The following CXCL13 variants were observed in gnomAD, a reference collection of about 807,000 sequenced individuals.
The protein encoded by CXCL13 is C-X-C motif chemokine 13.
A neutral mutation model predicts 12.2 loss-of-function variants in CXCL13; 7 were observed. The ratio of observed to expected loss-of-function variants is 0.57; its 90% CI spans 0.33 to 1.07. The LOEUF (loss-of-function observed/expected upper bound fraction) is 1.07, where lower values mean the gene tolerates loss of function less well. Among genes scored for constraint, CXCL13 ranks in the 50% least tolerant of loss-of-function variants. The pLI, the probability that CXCL13 is intolerant of heterozygous loss-of-function variation, is 0.04. For synonymous variants in CXCL13, 47 were observed against 42.4 expected (o/e 1.11, Z -0.42); for missense variants, 113 against 127.4 (o/e 0.89, Z 0.55).
chr4:77,572,708 A>T (rs1726117392), intron 1 of CXCL13, among the ~76,000 whole-genome samples: 1 of 151,990 alleles, frequency 6.6e-6, no homozygotes, highest in Non-Finnish European at 1.5e-5. Context: ...CAGAGATACC[A>T]TTTGACCCAG....
At chr4:77,525,159 G>T (rs1724730828) in intron 1 of CXCL13, among the ~76,000 whole-genome samples, 2 of 152,122 alleles carry the variant, frequency 1.3e-5, no homozygotes, top group African/African-American at 4.8e-5. Flanking sequence ...TCTGATGCTG[G>T]CCACATGTTC....
At chr4:77,600,874 A>G (rs1726866841), upstream of CXCL13, among the ~76,000 whole-genome samples, 1 of 152,182 alleles carries the variant, frequency 6.6e-6, no homozygotes, top group African/African-American at 2.4e-5. Flanking sequence ...CCCCTCCTTC[A>G]TGAATATTTC....
intron 1 of CXCL13, among the ~76,000 whole-genome samples, chr4:77,542,742 T>A (rs1250959602): frequency 6.6e-6 from 1 of 152,176 alleles, no homozygotes; most frequent in East Asian, 1.9e-4. Flanking sequence ...CTAACTTTTT[T>A]AAGTGCTACT....
intron 1 of CXCL13, among the ~76,000 whole-genome samples, chr4:77,582,225 C>T (rs764625852): frequency 7.2e-5 from 11 of 152,182 alleles, no homozygotes; most frequent in Non-Finnish European, 1.5e-4. Context: ...AGCTGACCCA[C>T]TCATTCAATA....
chr4:77,543,700 T>C (rs1278151596), intron 1 of CXCL13, among the ~76,000 whole-genome samples: 1 of 152,146 alleles, frequency 6.6e-6, no homozygotes, highest in African/African-American at 2.4e-5. Context: ...CTATTTTTAT[T>C]CCAATATGGT....
At chr4:77,545,619 G>T (rs1725342389) in intron 1 of CXCL13, among the ~76,000 whole-genome samples, 1 of 152,200 alleles carries the variant, frequency 6.6e-6, no homozygotes, top group African/African-American at 2.4e-5. Flanking sequence ...CTTTGCTGAA[G>T]TTGCTTATCA....
intron 1 of CXCL13, among the ~76,000 whole-genome samples, chr4:77,538,009 G>A (rs1177898455): frequency 6.6e-6 from 1 of 152,182 alleles, no homozygotes; most frequent in African/African-American, 2.4e-5. Context: ...TGCCCCCAGA[G>A]AGTAAGAATC....
chr4:77,594,884 C>T (rs1011489416), intron 1 of CXCL13, among the ~76,000 whole-genome samples: 12 of 151,828 alleles, frequency 7.9e-5, no homozygotes, highest in African/African-American at 1.7e-4. Flanking sequence ...CAAACTTGCA[C>T]GTCCTGCACA....
At chr4:77,569,801 G>C (rs1342196840) in intron 1 of CXCL13, among the ~76,000 whole-genome samples, 1 of 152,138 alleles carries the variant, frequency 6.6e-6, no homozygotes, top group Admixed American at 6.5e-5. Context: ...ACCAAAAAAA[G>C]AGTCCAAATA....
rs1726167446 is a variant in CXCL13 at position 77,574,805 on chromosome 4, A to G, written c.-42-31019A>G. Among the ~76,000 whole-genome samples the G allele has an allele frequency of 1.3e-5, 2 of 151,876 alleles. 1 individual carries two copies. Among genetic ancestry groups the G allele is most frequent in the African/African-American group, 4.9e-5 (2 of 41,168 alleles). ...TATAACAAGGAGCTCTAATTAATGG[A>G]CTTAAAGAAGAATAAGTGCTTGGAT... On this transcript the variant is annotated intron_variant, in intron 1 of 4. Coordinates refer to the CXCL13 transcript ENST00000286758.
At chr4:77,559,953 T>A (rs375922057) in intron 1 of CXCL13, among the ~76,000 whole-genome samples, 1 of 149,396 alleles carries the variant, frequency 6.7e-6, no homozygotes, top group African/African-American at 2.5e-5. Context: ...TGACGCTCAA[T>A]GTGCTTTCCA....
rs535182387 is a variant in CXCL13, at chr4:77,528,961, T to G, written c.-43+17173T>G. Among the ~76,000 whole-genome samples the G allele has an allele frequency of 1.7e-3, 266 of 152,320 alleles. 3 individuals are homozygous for G. The highest frequency in any genetic ancestry group is 5.8e-3 in the South Asian group (28 of 4,824). ...ATCTTGAATTAATTTTTGTATAAGG[T>G]GTAAGGAAGGGATCCAGTTTCAGCT... On this transcript the variant is annotated intron_variant, in intron 1 of 4. Transcript: ENST00000286758.
At chr4:77,556,157 C>T (rs1725652448) in intron 1 of CXCL13, among the ~76,000 whole-genome samples, 1 of 152,188 alleles carries the variant, frequency 6.6e-6, no homozygotes, top group African/African-American at 2.4e-5. Context: ...CACAAATGCT[C>T]ATAGTAGCTT....
At chr4:77,543,308 A>C (rs1218477434) in intron 1 of CXCL13, among the ~76,000 whole-genome samples, 1 of 151,878 alleles carries the variant, frequency 6.6e-6, no homozygotes, top group Non-Finnish European at 1.5e-5. Flanking sequence ...TTTCAAAAAA[A>C]CTGCTTTTGG....
At chr4:77,542,025 A>T (rs546692789) in intron 1 of CXCL13, among the ~76,000 whole-genome samples, 10 of 152,104 alleles carry the variant, frequency 6.6e-5, no homozygotes, top group African/African-American at 2.2e-4. Flanking sequence ...CTATTTGTGT[A>T]TAGAAATGCC....
intron 1 of CXCL13, among the ~76,000 whole-genome samples, chr4:77,584,946 C>T (rs1347823083): frequency 1.3e-5 from 2 of 152,194 alleles, no homozygotes; most frequent in East Asian, 3.8e-4. Flanking sequence ...ATATGACTTA[C>T]ACTTGTCTAG....
chr4:77,592,018 C>T (rs1726624651), intron 1 of CXCL13, among the ~76,000 whole-genome samples: 1 of 152,238 alleles, frequency 6.6e-6, no homozygotes, highest in Non-Finnish European at 1.5e-5. Flanking sequence ...AAAAACATTT[C>T]TGGCCACCTT....
At chr4:77,529,820 G>A (rs1295507464) in intron 1 of CXCL13, among the ~76,000 whole-genome samples, 3 of 152,166 alleles carry the variant, frequency 2.0e-5, no homozygotes, top group Non-Finnish European at 2.9e-5. Flanking sequence ...ATGTTGAATA[G>A]GAGTGGTGAG....
upstream of CXCL13, among the ~76,000 whole-genome samples, chr4:77,605,397 GA>G (rs1726977815): frequency 6.6e-6 from 1 of 152,168 alleles, no homozygotes; most frequent in Non-Finnish European, 1.5e-5. Flanking sequence ...CCAAAGGCCG[GA>G]ATCCCTTCCA....
Sources: allele counts gnomAD v4.1 joint callset (sites outside exome capture counted in the v4.1 genomes callset), GRCh38; gene constraint gnomAD v4.1.1; transcripts MANE v1.5; gene names NCBI Gene and HGNC (gene_info 2026-07-23, HGNC 2026-07-21).